DCLK1: variants seen among roughly 807,000 people sequenced by gnomAD.
DCLK1 encodes the protein doublecortin like kinase 1, also known as serine/threonine-protein kinase DCLK1.
Under a neutral mutation model 86.2 loss-of-function variants are expected in DCLK1, and 16 were observed. The ratio of observed to expected loss-of-function variants is 0.19; its 90% CI spans 0.13 to 0.28. The LOEUF (loss-of-function observed/expected upper bound fraction) is 0.28, where lower values mean the gene tolerates loss of function less well. Ranked by LOEUF, DCLK1 falls within the 10% of genes least tolerant of loss-of-function variation. The pLI, the probability that DCLK1 is intolerant of heterozygous loss-of-function variation, is 1.00. For synonymous variants in DCLK1, 369 were observed against 370.5 expected (o/e 1.00, Z 0.05); for missense variants, 590 against 940.2 (o/e 0.63, Z 4.87).
At position 36,030,304 on chromosome 13, in the gene DCLK1, C is replaced by CT. The variant is rs878998223; in HGVS notation, c.723+81564dup. ...TTGCTTTGTTTCTGTTTCCTCATTTCTTTTTTTTTGAGACGGAGTTTTGCT... is the reference window on the plus strand; with the variant it reads ...TTGCTTTGTTTCTGTTTCCTCATTTCTTTTTTTTTTGAGACGGAGTTTTGCT... On this transcript the variant is annotated intron_variant, in intron 3 of 16. Coordinates refer to ENST00000360631, the MANE Select transcript of DCLK1 (RefSeq NM_001330071.2). 3.4e-4 allele frequency among the ~76,000 whole-genome samples: 51 copies of CT among 151,058 alleles called. No homozygotes were observed. In the South Asian group the frequency reaches 6.3e-3, roughly 19 times the overall value.
intron 3 of DCLK1, among the ~76,000 whole-genome samples, chr13:36,065,260 A>G (rs916688017): frequency 1.3e-5 from 2 of 152,206 alleles, no homozygotes; most frequent in African/African-American, 2.4e-5. Flanking sequence ...AACAGCACAC[A>G]TCTTACAGGG....
chr13:36,103,532 A>G (rs539306338), intron 3 of DCLK1, among the ~76,000 whole-genome samples: 13 of 152,236 alleles, frequency 8.5e-5, no homozygotes, highest in Admixed American at 7.2e-4. Context: ...AATTCTTTAC[A>G]TTGATTATAT....
At chr13:35,956,996 T>C (rs1878023381) in intron 3 of DCLK1, among the ~76,000 whole-genome samples, 1 of 150,942 alleles carries the variant, frequency 6.6e-6, no homozygotes. Context: ...AAATGTTTAT[T>C]CTTGTATCAG....
At chr13:35,887,842 G>A (rs1208207530) in intron 4 of DCLK1, among the ~76,000 whole-genome samples, 1 of 112,018 alleles carries the variant, frequency 8.9e-6, no homozygotes, top group African/African-American at 3.4e-5. Context: ...TTGTGCCCAG[G>A]AATTCAAGCT....
At chr13:36,001,240 G>A (rs183111471) in intron 3 of DCLK1, among the ~76,000 whole-genome samples, 181 of 152,250 alleles carry the variant, frequency 1.2e-3, no homozygotes, top group African/African-American at 3.9e-3. Context: ...GAGCCACCGC[G>A]CCTGGCCGCA....
Position 35,867,752 on chromosome 13 carries a change from T to C in DCLK1, c.940+3472A>G, listed in dbSNP as rs1026546634. Among the ~76,000 whole-genome samples the C allele has an allele frequency of 2.0e-5, 3 of 152,050 alleles. No homozygotes were observed. The East Asian group carries it at 5.8e-4, about 30-fold the overall frequency. Reference sequence around the variant, plus strand: ...TTATAAAATGAAATTATTGCCTATATGCATAATTATATTTTTAAGATTAGA... The same window carrying C: ...TTATAAAATGAAATTATTGCCTATACGCATAATTATATTTTTAAGATTAGA... On this transcript the variant is annotated intron_variant, in intron 5 of 16. Coordinates refer to ENST00000360631, the MANE Select transcript of DCLK1 (RefSeq NM_001330071.2).
intron 3 of DCLK1, among the ~76,000 whole-genome samples, chr13:35,955,607 C>T (rs1459308557): frequency 6.6e-6 from 1 of 152,046 alleles, no homozygotes; most frequent in Non-Finnish European, 1.5e-5. Context: ...AAAATGACAC[C>T]CTAGTAACAA....
At chr13:35,805,854 C>A in intron 14 of DCLK1, 75 bp from the exon 15 acceptor site, 6 of 1,355,918 alleles carry the variant, frequency 4.4e-6, no homozygotes, top group Non-Finnish European at 6.1e-6. Context: ...TGCAAGAGTT[C>A]TCTTTTAGTT....
intron 3 of DCLK1, among the ~76,000 whole-genome samples, chr13:36,097,522 T>C (rs1201865447): frequency 6.6e-6 from 1 of 152,178 alleles, no homozygotes; most frequent in Non-Finnish European, 1.5e-5. Flanking sequence ...CTATTGGGAA[T>C]ATAAATTTTT....
chr13:36,036,142 A>G (rs992949032), intron 3 of DCLK1, among the ~76,000 whole-genome samples: 5 of 152,150 alleles, frequency 3.3e-5, no homozygotes, highest in Admixed American at 6.5e-5. Context: ...CATAACACCC[A>G]TAAGTTACCA....
At position 35,847,850 on chromosome 13, in the gene DCLK1, C is replaced by T. The variant is rs187308122; in HGVS notation, c.1035+6649G>A. The T allele has an allele frequency of 1.3e-4, 129 of 985,280 alleles. No homozygotes were observed. In the Middle Eastern group the frequency reaches 2.1e-3, roughly 16 times the overall value. 61.0% of individuals were successfully genotyped at this position (985,280 alleles called of 1,614,324 possible). On this transcript the variant is annotated intron_variant, in intron 6 of 16. Coordinates refer to ENST00000360631, the MANE Select transcript of DCLK1 (RefSeq NM_001330071.2). ...ATACAGATGAGAGAACCTGACACTT[C>T]TTAAAATTCTATGGCAGTACAGAAA...
intron 4 of DCLK1, among the ~76,000 whole-genome samples, chr13:35,921,455 C>T (rs914055934): frequency 1.3e-5 from 2 of 152,168 alleles, no homozygotes; most frequent in African/African-American, 4.8e-5. Flanking sequence ...AGCAGAAATT[C>T]GACTTCCTCA....
intron 6 of DCLK1, chr13:35,850,622 T>C: frequency 4.4e-6 from 6 of 1,352,082 alleles, no homozygotes; most frequent in Non-Finnish European, 4.8e-6. Context: ...TTTCAAGGTA[T>C]GCAAAACTCT....
intron 4 of DCLK1, among the ~76,000 whole-genome samples, chr13:35,943,225 T>C (rs1215097542): frequency 1.3e-5 from 2 of 151,924 alleles, no homozygotes; most frequent in African/African-American, 2.4e-5. Context: ...GAGATTGGAG[T>C]GATGATGCTG....
chr13:35,843,366 C>T (rs1460140715), intron 6 of DCLK1, among the ~76,000 whole-genome samples: 3 of 152,166 alleles, frequency 2.0e-5, no homozygotes, highest in African/African-American at 7.2e-5. Context: ...GCTTTTATGG[C>T]ACACCTTCAT....
At chr13:35,866,457 T>C (rs1208350615) in intron 5 of DCLK1, among the ~76,000 whole-genome samples, 1 of 142,464 alleles carries the variant, frequency 7.0e-6, no homozygotes, top group Non-Finnish European at 1.5e-5. Context: ...AAGACTCTTT[T>C]TTTTTTTTTT....
intron 11 of DCLK1, among the ~76,000 whole-genome samples, chr13:35,816,141 C>T (rs1220363951): frequency 6.6e-6 from 1 of 152,124 alleles, no homozygotes; most frequent in Non-Finnish European, 1.5e-5. Flanking sequence ...CAGGATTTTG[C>T]CAAAACTGTG....
intron 6 of DCLK1, chr13:35,850,525 T>C: frequency 8.0e-7 from 1 of 1,248,786 alleles, no homozygotes; most frequent in Non-Finnish European, 1.0e-6. Flanking sequence ...GTGGGAGATA[T>C]TTTTAAAAAT....
At chr13:35,984,858 CCG>C (rs768302215) in intron 3 of DCLK1, among the ~76,000 whole-genome samples, 4 of 151,900 alleles carry the variant, frequency 2.6e-5, no homozygotes, top group Non-Finnish European at 4.4e-5. Flanking sequence ...TTTTCACACT[CCG>C]CACTCGACAG....
Sources: allele counts gnomAD v4.1 joint callset (sites outside exome capture counted in the v4.1 genomes callset), GRCh38; gene constraint gnomAD v4.1.1; transcripts MANE v1.5; gene names NCBI Gene and HGNC (gene_info 2026-07-23, HGNC 2026-07-21).